Variants in B3GNT3 observed in about 807,000 individuals in gnomAD.
B3GNT3 encodes the protein N-acetyllactosaminide beta-1,3-N-acetylglucosaminyltransferase 3.
A neutral mutation model predicts 11.6 loss-of-function variants in B3GNT3; 7 were observed. The observed-to-expected ratio is 0.60, with a 90% CI of 0.34 to 1.13. B3GNT3 has a LOEUF of 1.13. Among genes scored for constraint, B3GNT3 ranks in the 50% most tolerant of loss-of-function variants. The pLI, the probability that B3GNT3 is intolerant of heterozygous loss-of-function variation, is 0.03. For synonymous variants in B3GNT3, 201 were observed against 222.1 expected (o/e 0.90, Z 0.85); for missense variants, 400 against 507.4 (o/e 0.79, Z 2.03).
intron 1 of B3GNT3, among the ~76,000 whole-genome samples, chr19:17,803,180 A>G (rs568452663): frequency 1.6e-4 from 25 of 151,970 alleles, no homozygotes; most frequent in Admixed American, 8.5e-4. Context: ...TAATTTTTGT[A>G]TTTTTAGTAG....
chr19:17,813,533 T>C lies in B3GNT3; in HGVS notation c.*1411T>C, dbSNP rs545463193. Reference sequence around the variant, plus strand: ...TCATCCCACCCACCCCCTGCTCAGATACCCTTCATAGCTCCTTATTGCTTT... The same window carrying C: ...TCATCCCACCCACCCCCTGCTCAGACACCCTTCATAGCTCCTTATTGCTTT... On this transcript the variant is annotated 3_prime_UTR_variant, in exon 3 of 3. Coordinates refer to ENST00000318683, the MANE Select transcript of B3GNT3 (RefSeq NM_014256.4). Among the ~76,000 whole-genome samples the C allele has an allele frequency of 7.9e-5, 12 of 151,710 alleles. No individual in the cohort carries two copies. Among genetic ancestry groups the C allele is most frequent in the African/African-American group, 2.9e-4 (12 of 41,294 alleles).
chr19:17,806,025 T>A (rs1050768813), intron 1 of B3GNT3, among the ~76,000 whole-genome samples: 12 of 152,152 alleles, frequency 7.9e-5, no homozygotes, highest in Admixed American at 5.2e-4. Flanking sequence ...TGGAGTGCAA[T>A]GGTGTGATCA....
At chr19:17,801,792 A>G (rs1228820474) in intron 1 of B3GNT3, among the ~76,000 whole-genome samples, 1 of 152,042 alleles carries the variant, frequency 6.6e-6, no homozygotes, top group Non-Finnish European at 1.5e-5. Flanking sequence ...AGGCTAATTA[A>G]AAAAATTTTT....
chr19:17,812,539 A>C lies in B3GNT3; in HGVS notation c.*417A>C, dbSNP rs542736721. 5.4e-6 allele frequency: 1 copy of C among 185,732 alleles called. No homozygotes were observed. The highest frequency in any genetic ancestry group is 2.4e-5 in the African/African-American group (1 of 42,226). 11.5% of individuals were successfully genotyped at this position (185,732 alleles called of 1,614,324 possible). On this transcript the variant is annotated 3_prime_UTR_variant, in exon 3 of 3. Coordinates refer to ENST00000318683, the MANE Select transcript of B3GNT3 (RefSeq NM_014256.4). ...CCGTCTGCAGTTCCAGGCCAGCCAG[A>C]AACTCCTGTGTCCACATAGAGCTGA... is the stretch of plus-strand genomic sequence containing the variant.
At chr19:17,808,903 G>A (rs1054096207) in intron 2 of B3GNT3, among the ~76,000 whole-genome samples, 3 of 151,746 alleles carry the variant, frequency 2.0e-5, no homozygotes, top group South Asian at 4.1e-4. Context: ...GCAGTGGTGC[G>A]ATCTGGGCTT....
intron 1 of B3GNT3, among the ~76,000 whole-genome samples, chr19:17,804,207 C>CT (rs918862690): frequency 1.8e-4 from 24 of 135,966 alleles, no homozygotes; most frequent in South Asian, 9.6e-4. Context: ...TCTTATTTTC[C>CT]TTTTTTTTTT....
At chr19:17,805,395 A>G (rs2094171901) in intron 1 of B3GNT3, among the ~76,000 whole-genome samples, 2 of 152,026 alleles carry the variant, frequency 1.3e-5, no homozygotes. Context: ...CACCTTGCCC[A>G]GCCCACAGGG....
At position 17,807,960 on chromosome 19, in the gene B3GNT3, T is replaced by TACC; in HGVS notation, c.153_154insACC (p.Thr51dup). The TACC allele has an allele frequency of 1.2e-6, 2 of 1,609,510 alleles. No individual in the cohort carries two copies. The highest frequency in any genetic ancestry group is 8.5e-7 in the Non-Finnish European group (1 of 1,178,108). ...TCCCCGAGGCCCTGGCCTGGCCCAC[T>TACC]CCACCCACCCGCCCAGCCCCGGCCC... is the stretch of plus-strand genomic sequence containing the variant. On this transcript the variant is annotated inframe_insertion, in exon 2 of 3. Coordinates refer to ENST00000318683, the MANE Select transcript of B3GNT3 (RefSeq NM_014256.4).
chr19:17,812,240 G>C lies in B3GNT3; in HGVS notation c.*118G>C. On this transcript the variant is annotated 3_prime_UTR_variant, in exon 3 of 3. Coordinates refer to ENST00000318683, the MANE Select transcript of B3GNT3 (RefSeq NM_014256.4). ...CATAAGGGAGTGCCAGGGAAGGTTT[G>C]AGGTTTGATGAGTGAATATTCTGGC... The C allele has an allele frequency of 8.9e-7, 1 of 1,126,308 alleles. No individual in the cohort carries two copies. The highest frequency in any genetic ancestry group is 1.2e-6 in the Non-Finnish European group (1 of 816,890). 69.8% of individuals were successfully genotyped at this position (1,126,308 alleles called of 1,614,324 possible). A position where few individuals can be genotyped will look rare whatever the true frequency, so the allele number is the denominator to read the frequency against.
At chr19:17,802,191 G>A (rs1362493761) in intron 1 of B3GNT3, among the ~76,000 whole-genome samples, 1 of 151,952 alleles carries the variant, frequency 6.6e-6, no homozygotes, top group African/African-American at 2.4e-5. Context: ...GCCTCCTAAA[G>A]CACTGGGATT....
intron 1 of B3GNT3, among the ~76,000 whole-genome samples, chr19:17,799,269 C>CT (rs35086710): frequency 0.1 from 11,748 of 117,228 alleles, 993 homozygotes; most frequent in African/African-American, 0.18. Flanking sequence ...ACCATTCCAG[C>CT]TTTTTTTTTT....
At chr19:17,803,005 A>T (rs1235035397) in intron 1 of B3GNT3, among the ~76,000 whole-genome samples, 1 of 126,690 alleles carries the variant, frequency 7.9e-6, no homozygotes, top group Non-Finnish European at 1.7e-5. Context: ...CTGGGTGTTA[A>T]AGGATTTTTT....
At position 17,812,228 on chromosome 19, in the gene B3GNT3, C is replaced by G. The variant is rs546347492; in HGVS notation, c.*106C>G. The G allele has an allele frequency of 1.5e-6, 2 of 1,295,218 alleles. No homozygotes were observed. The highest frequency in any genetic ancestry group is 3.0e-5 in the African/African-American group (2 of 66,936). 80.2% of individuals were successfully genotyped at this position (1,295,218 alleles called of 1,614,324 possible). On this transcript the variant is annotated 3_prime_UTR_variant, in exon 3 of 3. Coordinates refer to ENST00000318683, the MANE Select transcript of B3GNT3 (RefSeq NM_014256.4). ...TTGTGGTCTGAGCATAAGGGAGTGC[C>G]AGGGAAGGTTTGAGGTTTGATGAGT... is the stretch of plus-strand genomic sequence containing the variant.
chr19:17,810,160 G>T (rs1330891667), intron 2 of B3GNT3, among the ~76,000 whole-genome samples: 1 of 152,164 alleles, frequency 6.6e-6, no homozygotes, highest in African/African-American at 2.4e-5. Context: ...GGCTGAGGCG[G>T]GTAGGGGCCA....
chr19:17,805,898 G>A (rs981424946), intron 1 of B3GNT3, among the ~76,000 whole-genome samples: 7 of 150,798 alleles, frequency 4.6e-5, no homozygotes, highest in African/African-American at 1.5e-4. Flanking sequence ...CCTGGGCTCA[G>A]GTGGTCCTCC....
intron 2 of B3GNT3, among the ~76,000 whole-genome samples, chr19:17,808,936 C>T (rs1018043867): frequency 1.3e-5 from 2 of 151,942 alleles, no homozygotes; most frequent in African/African-American, 2.4e-5. Flanking sequence ...TCCTGGTTTC[C>T]GGCGATCCTA....
At chr19:17,801,995 G>A (rs576808069) in intron 1 of B3GNT3, among the ~76,000 whole-genome samples, 1 of 152,156 alleles carries the variant, frequency 6.6e-6, no homozygotes, top group South Asian at 2.1e-4. Flanking sequence ...GGCTGAGGCA[G>A]GATAATCGCT....
chr19:17,800,191 G>A (rs533617209), intron 1 of B3GNT3, among the ~76,000 whole-genome samples: 11 of 152,004 alleles, frequency 7.2e-5, no homozygotes, highest in African/African-American at 2.7e-4. Context: ...CCTGGCCAAC[G>A]CGCTGAAACC....
At position 17,811,600 on chromosome 19, in the gene B3GNT3, G is replaced by A. The variant is rs1392558269; in HGVS notation, c.597G>A (p.Arg199=). ...TGTTCTTACAGTGGCAGGAGACAAG[G>A]TGCGCCAACGCCAGCTTCGTGCTCA... is the stretch of plus-strand genomic sequence containing the variant. ...QVLFLQWQET[R]CANASFVLNG... is the part of the protein sequence containing the mutation. The change falls in exon 3 of 3, where the codon AGG becomes AGA. Residue 199 remains arginine, a synonymous_variant. Coordinates refer to ENST00000318683, the MANE Select transcript of B3GNT3 (RefSeq NM_014256.4). This position sits in a 1 kb window ranked among gnomAD's most constrained non-coding sequence, Gnocchi z 4.1. The A allele has an allele frequency of 2.5e-6, 4 of 1,613,342 alleles. No homozygotes were observed. The highest frequency in any genetic ancestry group is 2.2e-5 in the East Asian group (1 of 44,874).
Sources: allele counts gnomAD v4.1 joint callset (sites outside exome capture counted in the v4.1 genomes callset), GRCh38; gene constraint gnomAD v4.1.1; non-coding constraint Gnocchi (gnomAD v3.1); transcripts MANE v1.5; gene names NCBI Gene and HGNC (gene_info 2026-07-23, HGNC 2026-07-21).